RSRC1: variants seen among roughly 807,000 people sequenced by gnomAD.
RSRC1 encodes arginine and serine rich coiled-coil 1, also known as serine/Arginine-related protein 53.
RSRC1 carries 39 observed loss-of-function variants against 49.1 expected under a neutral mutation model. That is an observed-to-expected ratio of 0.79 (90% CI 0.61 to 1.04). The LOEUF (loss-of-function observed/expected upper bound fraction) is 1.04, where lower values mean the gene tolerates loss of function less well. RSRC1 is among the 50% of genes least tolerant of loss of function. The probability of loss-of-function intolerance (pLI) is 0.00; values close to 1 mark genes in which losing one functional copy is unlikely to be tolerated. For synonymous variants in RSRC1, 143 were observed against 130.8 expected (o/e 1.09, Z -0.63); for missense variants, 388 against 402.4 (o/e 0.96, Z 0.31).
At chr3:158,204,135 T>G (rs746651782) in intron 4 of RSRC1, among the ~76,000 whole-genome samples, 1 of 152,206 alleles carries the variant, frequency 6.6e-6, no homozygotes, top group Non-Finnish European at 1.5e-5. Context: ...TTACTAGGAT[T>G]GCACATATAG....
At chr3:158,128,988 A>G (rs1017514197) in intron 3 of RSRC1, among the ~76,000 whole-genome samples, 16 of 151,930 alleles carry the variant, frequency 1.1e-4, no homozygotes, top group African/African-American at 2.9e-4. Flanking sequence ...TGATACTGCT[A>G]TGTCATAGTG....
chr3:158,339,407 G>C (rs777399317), intron 5 of RSRC1, among the ~76,000 whole-genome samples: 1 of 151,712 alleles, frequency 6.6e-6, no homozygotes, highest in Non-Finnish European at 1.5e-5. Context: ...GCACATAGAA[G>C]TTATCACTTA....
At chr3:158,449,462 T>G (rs1736898816) in intron 6 of RSRC1, among the ~76,000 whole-genome samples, 1 of 151,974 alleles carries the variant, frequency 6.6e-6, no homozygotes, top group African/African-American at 2.4e-5. Flanking sequence ...CTGAGAGCTT[T>G]AAATTTGCAG....
At chr3:158,272,225 A>G (rs1272574844) in intron 4 of RSRC1, among the ~76,000 whole-genome samples, 1 of 152,150 alleles carries the variant, frequency 6.6e-6, no homozygotes, top group Non-Finnish European at 1.5e-5. Context: ...AATGAAAACC[A>G]TTCATCTAGT....
At chr3:158,118,823 G>A (rs1457664500) in intron 1 of RSRC1, among the ~76,000 whole-genome samples, 2 of 152,104 alleles carry the variant, frequency 1.3e-5, no homozygotes, top group African/African-American at 4.8e-5. Flanking sequence ...CTTCATTATA[G>A]GGTGATTGGG....
At chr3:158,229,346 A>G (rs71623500) in intron 4 of RSRC1, among the ~76,000 whole-genome samples, 1 of 147,110 alleles carries the variant, frequency 6.8e-6, no homozygotes, top group Non-Finnish European at 1.5e-5. Context: ...GTATGTATGT[A>G]TATATATACA....
At position 158,147,748 on chromosome 3, in the gene RSRC1, T is replaced by A. The variant is rs147517873; in HGVS notation, c.320+23757T>A. On this transcript the variant is annotated intron_variant, in intron 3 of 9. Coordinates refer to ENST00000611884, the MANE Select transcript of RSRC1 (RefSeq NM_001271838.2). ...TCAAATTTTTTTCCAAATTCAAAAG[T>A]GTACGTTTTAGAAGTATACATTTAG... Among the ~76,000 whole-genome samples the A allele has an allele frequency of 3.9e-5, 6 of 152,282 alleles. No homozygotes were observed. In the East Asian group the frequency reaches 1.2e-3, roughly 29 times the overall value.
intron 1 of RSRC1, among the ~76,000 whole-genome samples, chr3:158,116,283 A>T (rs1714810803): frequency 6.6e-6 from 1 of 152,188 alleles, no homozygotes; most frequent in African/African-American, 2.4e-5. Flanking sequence ...CCAGATACTC[A>T]AGTCTGCATA....
At chr3:158,272,851 T>C (rs1725596982) in intron 4 of RSRC1, among the ~76,000 whole-genome samples, 1 of 152,056 alleles carries the variant, frequency 6.6e-6, no homozygotes, top group Admixed American at 6.6e-5. Context: ...ATTTACATTT[T>C]CTACCCATTT....
intron 2 of RSRC1, 77 bp from the exon 3 acceptor site, chr3:158,123,789 A>G: frequency 1.5e-6 from 2 of 1,334,572 alleles, no homozygotes; most frequent in Non-Finnish European, 1.0e-6. Context: ...ATGATTCTTT[A>G]GAATCTAGAA....
At chr3:158,218,079 G>A (rs1269423585) in intron 4 of RSRC1, among the ~76,000 whole-genome samples, 1 of 151,628 alleles carries the variant, frequency 6.6e-6, no homozygotes, top group African/African-American at 2.4e-5. Flanking sequence ...GGGAAGCACT[G>A]TCTGAGATGG....
chr3:158,539,484 A>G lies in RSRC1; in HGVS notation c.759+2286A>G, dbSNP rs919307136. Among the ~76,000 whole-genome samples, 2 of 152,052 alleles carry G rather than the reference A, an allele frequency of 1.3e-5. No individual in the cohort carries two copies. The highest frequency in any genetic ancestry group is 4.8e-5 in the African/African-American group (2 of 41,414). On this transcript the variant is annotated intron_variant, in intron 8 of 9. Transcript: ENST00000611884. The surrounding 1 kb of genome is among the most constrained non-coding windows in gnomAD (Gnocchi z 4.1). The stretch of plus-strand genomic sequence containing the variant: ...TTTCAAACTTAGTATGAGTTATTCA[A>G]CCCTAATGTTGTTGTATCTGGCAGA...
intron 7 of RSRC1, among the ~76,000 whole-genome samples, chr3:158,513,283 A>G (rs1278480206): frequency 6.6e-6 from 1 of 151,476 alleles, no homozygotes; most frequent in East Asian, 1.9e-4. Context: ...ATTTTGAAAT[A>G]CGTCCCATCA....
intron 6 of RSRC1, among the ~76,000 whole-genome samples, chr3:158,355,703 A>T (rs1467558744): frequency 6.6e-6 from 1 of 152,022 alleles, no homozygotes; most frequent in Non-Finnish European, 1.5e-5. Flanking sequence ...CTGATATTTT[A>T]CTTTGAATCT....
intron 4 of RSRC1, among the ~76,000 whole-genome samples, chr3:158,215,169 A>G (rs192246645): frequency 5.3e-4 from 81 of 151,804 alleles, no homozygotes; most frequent in Non-Finnish European, 1.0e-3. Flanking sequence ...ACATTGTATG[A>G]TATTAATATA....
intron 4 of RSRC1, among the ~76,000 whole-genome samples, chr3:158,229,231 T>C (rs929652409): frequency 3.3e-5 from 5 of 150,372 alleles, no homozygotes; most frequent in South Asian, 2.1e-4. Flanking sequence ...TACACGTATA[T>C]GTGTATGTAT....
At chr3:158,439,871 A>C (rs1184824088) in intron 6 of RSRC1, among the ~76,000 whole-genome samples, 1 of 152,126 alleles carries the variant, frequency 6.6e-6, no homozygotes, top group Non-Finnish European at 1.5e-5. Context: ...GCCAAAGTGC[A>C]TGTACGACAA....
intron 3 of RSRC1, among the ~76,000 whole-genome samples, chr3:158,169,154 C>G (rs1329247636): frequency 6.6e-6 from 1 of 152,110 alleles, no homozygotes; most frequent in Non-Finnish European, 1.5e-5. Flanking sequence ...GTATTTCTTT[C>G]AGTAAGAGAC....
At chr3:158,372,705 C>T (rs1376444698) in intron 6 of RSRC1, among the ~76,000 whole-genome samples, 1 of 151,840 alleles carries the variant, frequency 6.6e-6, no homozygotes, top group East Asian at 1.9e-4. Flanking sequence ...TAAATGAAAA[C>T]TGACTCAGAT....
Sources: allele counts gnomAD v4.1 joint callset (sites outside exome capture counted in the v4.1 genomes callset), GRCh38; gene constraint gnomAD v4.1.1; non-coding constraint Gnocchi (gnomAD v3.1); transcripts MANE v1.5; gene names NCBI Gene and HGNC (gene_info 2026-07-23, HGNC 2026-07-21).